The following POLR3B variants were observed in gnomAD, a reference collection of about 807,000 sequenced individuals.
POLR3B encodes the protein DNA-directed RNA polymerase III subunit RPC2.
In POLR3B, 96 loss-of-function variants were observed where a neutral mutation model predicts 147.4. The ratio of observed to expected loss-of-function variants is 0.65; its 90% confidence interval spans 0.55 to 0.77. The LOEUF is 0.77. POLR3B is among the 30% of genes least tolerant of loss of function. The pLI, the probability that POLR3B is intolerant of heterozygous loss-of-function variation, is 0.00. For missense variants in POLR3B, 1,036 were observed against 1,413.5 expected, an observed-to-expected ratio of 0.73 and a Z score of 4.28; for synonymous variants, 461 against 485.9, an observed-to-expected ratio of 0.95 and a Z score of 0.67.
At chr12:106,399,756 A>G (rs1054509508) in intron 10 of POLR3B, among the ~76,000 whole-genome samples, 2 of 152,142 alleles carry the variant, frequency 1.3e-5, no homozygotes, top group African/African-American at 4.8e-5. Flanking sequence ...GAAATAAAAT[A>G]CTTTACAGAC....
In POLR3B at chr12:106,496,902, A is replaced by C; in HGVS notation, c.2968A>C (p.Thr990Pro). ...GYNYLGKDYV[T>P]SGITGEPLEA... The stretch of plus-strand genomic sequence containing the variant: ...TAACTACTTGGGGAAAGACTATGTT[A>C]CATCCGGCATCACAGGGTAAGCATG... Residue 990 changes from threonine (T) to proline (P), a missense_variant, in exon 25 of 28, where the codon ACA (threonine) becomes CCA (proline). By Grantham distance (38) the Thr-to-Pro change is conservative. This residue lies in a region of POLR3B where 88 missense variants were observed against 87.5 expected (regional missense o/e 1.01). Transcript: ENST00000228347. The C allele has an allele frequency of 6.2e-7, 1 of 1,614,060 alleles. No individual in the cohort carries two copies. Among genetic ancestry groups the C allele is most frequent in the Non-Finnish European group, 8.5e-7 (1 of 1,179,990 alleles).
At chr12:106,500,660 G>A (rs1175655756) in intron 25 of POLR3B, among the ~76,000 whole-genome samples, 8 of 152,152 alleles carry the variant, frequency 5.3e-5, no homozygotes, top group African/African-American at 1.4e-4. Flanking sequence ...AATACCTGGC[G>A]GGAGAGTGTT....
intron 19 of POLR3B, among the ~76,000 whole-genome samples, chr12:106,450,979 A>G (rs2037787201): frequency 1.3e-5 from 2 of 152,206 alleles, no homozygotes; most frequent in African/African-American, 2.4e-5. Context: ...AACGAAGTGT[A>G]TATTTATACA....
At chr12:106,489,743 C>A (rs1429000082) in intron 23 of POLR3B, among the ~76,000 whole-genome samples, 1 of 152,118 alleles carries the variant, frequency 6.6e-6, no homozygotes, top group Non-Finnish European at 1.5e-5. Flanking sequence ...TGAAAAGAAC[C>A]TGATTTAAAG....
Position 106,504,126 on chromosome 12 carries a change from G to C in POLR3B, c.3144G>C (p.Gly1048=), listed in dbSNP as rs568662073. 2.5e-6 allele frequency: 4 copies of C among 1,614,204 alleles called. No homozygotes were observed. The highest frequency in any genetic ancestry group is 2.7e-5 in the African/African-American group (2 of 75,054). Reference sequence around the variant, plus strand: ...CTCGTGATGGTGGCTTGCGTCTCGGGGAAATGGAACGTGACTGTTTAATCG... The same window carrying C: ...CTCGTGATGGTGGCTTGCGTCTCGGCGAAATGGAACGTGACTGTTTAATCG... The part of the protein sequence containing the change: ...GRSRDGGLRL[G]EMERDCLIGY... Residue 1048 remains glycine, a synonymous_variant, in exon 27 of 28, where the codon GGG becomes GGC. Transcript: ENST00000228347. The surrounding 1 kb of genome is among the most constrained non-coding windows in gnomAD (Gnocchi z 4.6).
rs530616730 is a variant in POLR3B, at chr12:106,470,159, T to C, written c.2713+6539T>C. Among the ~76,000 whole-genome samples the C allele has an allele frequency of 7.2e-5, 11 of 152,314 alleles. No homozygotes were observed. The East Asian group carries it at 2.1e-3, about 29-fold the overall frequency. On this transcript the variant is annotated intron_variant, in intron 23 of 27. Transcript: ENST00000228347. ...AGGCTTTGTTCATTTCTTTTCACTC[T>C]TTTTTCTCTAATCTTGTCTTCTTGA...
rs556048743 is a variant in POLR3B at position 106,405,635 on chromosome 12, A to AT, written c.847-214dup. On this transcript the variant is annotated intron_variant, in intron 10 of 27. Transcript: ENST00000228347. ...AAATTTCCTACAATGACAATGTATC[A>AT]TTTTTTTTAGTAAGAGAAAAAAGGG... is the stretch of plus-strand genomic sequence containing the variant. Among the ~76,000 whole-genome samples the AT allele has an allele frequency of 9.7e-4, 146 of 150,734 alleles. 1 individual carries two copies. The East Asian group carries it at 0.012, about 13-fold the overall frequency.
chr12:106,441,247 A>G (rs978348359), intron 18 of POLR3B, among the ~76,000 whole-genome samples: 6 of 152,204 alleles, frequency 3.9e-5, no homozygotes, highest in Non-Finnish European at 7.3e-5. Context: ...GTATATTTGT[A>G]TACACAGTCT....
rs759862082 is a variant in POLR3B, at chr12:106,496,862, C to CGAGG, written c.2929_2930insAGGG (p.Val977GlufsTer7). On this transcript the variant is annotated frameshift_variant, in exon 25 of 28. Transcript: ENST00000228347. LOFTEE classifies it high-confidence loss of function. ...AAGTGAAGGATGTGTGTGAGGACCTCGTTCGCCATGGTTATAACTACTTGG... is the reference window on the plus strand; with the variant it reads ...AAGTGAAGGATGTGTGTGAGGACCTCGAGGGTTCGCCATGGTTATAACTACTTGG... 1 of 1,613,988 alleles carries CGAGG rather than the reference C, an allele frequency of 6.2e-7. No individual in the cohort carries two copies. The highest frequency in any genetic ancestry group is 1.1e-5 in the South Asian group (1 of 91,084).
intron 1 of POLR3B, among the ~76,000 whole-genome samples, chr12:106,358,492 G>T (rs1445245681): frequency 6.6e-6 from 1 of 152,218 alleles, no homozygotes; most frequent in Non-Finnish European, 1.5e-5. Flanking sequence ...AGACTCCACA[G>T]CTTTCATCAG....
chr12:106,429,710 G>A (rs949143932), intron 13 of POLR3B, among the ~76,000 whole-genome samples: 1 of 152,064 alleles, frequency 6.6e-6, no homozygotes, highest in East Asian at 1.9e-4. Context: ...ATGAATATAT[G>A]TACTATTTTT....
chr12:106,399,653 A>T (rs2037033882), intron 10 of POLR3B, among the ~76,000 whole-genome samples: 1 of 152,250 alleles, frequency 6.6e-6, no homozygotes, highest in African/African-American at 2.4e-5. Context: ...ACAAGCCAGA[A>T]GAGAGTGGGG....
intron 18 of POLR3B, among the ~76,000 whole-genome samples, chr12:106,442,611 A>C (rs1300374873): frequency 6.6e-6 from 1 of 152,160 alleles, no homozygotes; most frequent in African/African-American, 2.4e-5. Flanking sequence ...TAGGGACATA[A>C]TTTAATACAT....
chr12:106,482,991 A>G (rs1444361223), intron 23 of POLR3B, among the ~76,000 whole-genome samples: 1 of 152,178 alleles, frequency 6.6e-6, no homozygotes, highest in African/African-American at 2.4e-5. Flanking sequence ...CCTAAGACTC[A>G]TAGCTCCCCA....
intron 27 of POLR3B, among the ~76,000 whole-genome samples, chr12:106,505,856 T>C (rs1720823856): frequency 6.6e-6 from 1 of 152,234 alleles, no homozygotes; most frequent in Admixed American, 6.5e-5. Flanking sequence ...GAGCTACTAA[T>C]TTCTAAGTTG....
intron 7 of POLR3B, among the ~76,000 whole-genome samples, chr12:106,377,795 A>G (rs1421440396): frequency 6.6e-6 from 1 of 152,210 alleles, no homozygotes; most frequent in East Asian, 1.9e-4. Context: ...GCTGATCTTC[A>G]GTCCATAAAA....
intron 18 of POLR3B, among the ~76,000 whole-genome samples, chr12:106,439,338 C>G (rs999947197): frequency 6.6e-6 from 1 of 152,248 alleles, no homozygotes; most frequent in South Asian, 2.1e-4. Context: ...GATTGTGCCA[C>G]TGCACTCCAG....
At chr12:106,404,790 G>GTT (rs1212673986) in intron 10 of POLR3B, among the ~76,000 whole-genome samples, 2 of 151,946 alleles carry the variant, frequency 1.3e-5, no homozygotes. Context: ...TGCTCTCTGT[G>GTT]TTCTGTTTAA....
chr12:106,482,424 A>G (rs759165972), intron 23 of POLR3B, among the ~76,000 whole-genome samples: 6 of 152,114 alleles, frequency 3.9e-5, no homozygotes, highest in East Asian at 1.9e-4. Flanking sequence ...AAGCATGGCT[A>G]GGGAGGCCTC....
Sources: gnomAD v4.1 joint callset for allele counts (sites outside exome capture counted in the v4.1 genomes callset) on GRCh38, gnomAD v4.1.1 for gene constraint, gnomAD v4.1.1 regional missense constraint, Gnocchi (gnomAD v3.1) non-coding constraint, MANE v1.5 for transcripts, NCBI Gene and HGNC (gene_info 2026-07-23, HGNC 2026-07-21) for gene names.